ANK2: variants seen among roughly 807,000 people sequenced by gnomAD.
ANK2 encodes ankyrin-2.
Under a neutral mutation model 360.5 loss-of-function variants are expected in ANK2, and 83 were observed. The ratio of observed to expected loss-of-function variants is 0.23; its 90% CI spans 0.19 to 0.28. ANK2 has a LOEUF of 0.28. Ranked by LOEUF, ANK2 falls within the 10% of genes least tolerant of loss-of-function variation. ANK2 has a pLI of 1.00. For missense variants in ANK2, 4,201 were observed against 4,795.7 expected (o/e 0.88, Z 3.66); for synonymous variants, 1,740 against 1,759.5 (o/e 0.99, Z 0.28).
In ANK2 at chr4:113,367,662, C is replaced by T; in HGVS notation, c.11129C>T (p.Pro3710Leu). Residue 3710 changes from proline to leucine, a missense_variant, in exon 42 of 46, where the codon CCT becomes CTT. Coordinates refer to ENST00000357077, the MANE Select transcript of ANK2 (RefSeq NM_001148.6). The part of the protein sequence containing the change: ...SKESETCDHP[P>L]IVSEEDISVG... Reference sequence around the variant, plus strand: ...GAAAGTGAGACCTGCGATCACCCTCCTATCGTCTCAGAGGAAGACATTTCT... The same window carrying T: ...GAAAGTGAGACCTGCGATCACCCTCTTATCGTCTCAGAGGAAGACATTTCT... 1.2e-6 allele frequency: 2 copies of T among 1,613,884 alleles called. No homozygotes were observed. The highest frequency in any genetic ancestry group is 2.7e-5 in the African/African-American group (2 of 74,928).
intron 1 of ANK2, among the ~76,000 whole-genome samples, chr4:113,109,347 T>G (rs1285778617): frequency 6.6e-6 from 1 of 152,236 alleles, no homozygotes. Context: ...ACATTACTTC[T>G]GCCAGTCTTT....
In ANK2 at chr4:113,033,393, A is replaced by G. The variant is rs2154306031; in HGVS notation, c.21+128879A>G. ...GTTCTGCCTCTCCAATAAAGCAGACAAAAAAGCTCAAGGTCTGTAATGGCA... is the reference window on the plus strand; with the variant it reads ...GTTCTGCCTCTCCAATAAAGCAGACGAAAAAGCTCAAGGTCTGTAATGGCA... On this transcript the variant is annotated intron_variant, in intron 2 of 30. Coordinates refer to the ANK2 transcript ENST00000503271. 3.3e-5 allele frequency among the ~76,000 whole-genome samples: 5 copies of G among 152,160 alleles called. 1 individual carries two copies. In the Middle Eastern group the frequency reaches 0.017, roughly 518 times the overall value.
At chr4:113,350,364 A>G (rs2095328986) in intron 37 of ANK2, 115 bp downstream of exon 37, 1 of 812,368 alleles carries the variant, frequency 1.2e-6, no homozygotes, top group East Asian at 2.7e-5. Flanking sequence ...ACATTTTTAT[A>G]TTATCCTTAT....
intron 26 of ANK2, among the ~76,000 whole-genome samples, chr4:113,329,996 A>G (rs2153917524): frequency 6.6e-6 from 1 of 152,346 alleles, no homozygotes; most frequent in African/African-American, 2.4e-5. Flanking sequence ...ATTGAACATC[A>G]CCATTGTCAG....
chr4:113,230,070 AAATAC>A lies in ANK2; in HGVS notation c.385-2089_385-2085del, dbSNP rs1192837007. On this transcript the variant is annotated intron_variant, in intron 4 of 45. Coordinates refer to ENST00000357077, the MANE Select transcript of ANK2 (RefSeq NM_001148.6). ...TTCCGCCACCTCTTCAGTGTTCTTA[AAATAC>A]ACAAGATTTCGCCTGCTTGCTGTGT... Among the ~76,000 whole-genome samples the A allele has an allele frequency of 2.6e-5, 4 of 152,212 alleles. No homozygotes were observed. The East Asian group carries it at 7.7e-4, about 29-fold the overall frequency.
At chr4:112,917,106 A>G (rs543285336) in intron 2 of ANK2, among the ~76,000 whole-genome samples, 1 of 152,332 alleles carries the variant, frequency 6.6e-6, no homozygotes, top group South Asian at 2.1e-4. Flanking sequence ...GTCATTCCAG[A>G]TAGCTAGACC....
intron 2 of ANK2, among the ~76,000 whole-genome samples, chr4:113,195,259 T>G (rs1031210234): frequency 6.6e-6 from 1 of 152,082 alleles, no homozygotes; most frequent in African/African-American, 2.4e-5. Context: ...GAATTAACAA[T>G]GAAATATTAT....
chr4:112,986,838 T>C (rs1294596316), intron 2 of ANK2, among the ~76,000 whole-genome samples: 1 of 152,232 alleles, frequency 6.6e-6, no homozygotes, highest in African/African-American at 2.4e-5. Flanking sequence ...CACTGTGCGA[T>C]GTTCCACCTT....
chr4:113,182,834 G>A (rs1279372615), intron 2 of ANK2, among the ~76,000 whole-genome samples: 1 of 152,170 alleles, frequency 6.6e-6, no homozygotes, highest in African/African-American at 2.4e-5. Context: ...ATAAAAGAAA[G>A]AAGAGAATAA....
In ANK2 at chr4:112,989,625, A is replaced by T. The variant is rs1578448207; in HGVS notation, c.21+85111A>T. Among the ~76,000 whole-genome samples, 2 of 152,356 alleles carry T rather than the reference A, an allele frequency of 1.3e-5. 1 individual carries two copies. The highest frequency in any genetic ancestry group is 2.9e-5 in the Non-Finnish European group (2 of 68,034). ...GGGCAAATTTTAAATTAATGGTTTC[A>T]GAAAATATCCTGCAGCCTCATAGTG... is the stretch of plus-strand genomic sequence containing the variant. On this transcript the variant is annotated intron_variant, in intron 2 of 30. Transcript: ENST00000503271.
At chr4:113,300,835 C>G (rs1318051406) in intron 22 of ANK2, among the ~76,000 whole-genome samples, 1 of 152,186 alleles carries the variant, frequency 6.6e-6, no homozygotes, top group Non-Finnish European at 1.5e-5. Flanking sequence ...TCACAGGGCT[C>G]TTCTGAGCCA....
chr4:113,355,357 C>T lies in ANK2; in HGVS notation c.6739C>T (p.Leu2247Phe), dbSNP rs779281208. The T allele has an allele frequency of 1.2e-6, 2 of 1,614,012 alleles. No homozygotes were observed. The highest frequency in any genetic ancestry group is 8.5e-7 in the Non-Finnish European group (1 of 1,179,978). Residue 2247 changes from leucine (L) to phenylalanine (F), a missense_variant, in exon 38 of 46, where the codon CTT becomes TTT. By Grantham distance (22) the Leu-to-Phe change is conservative. This residue lies in a region of ANK2 where 2,642 missense variants were observed against 2,714.5 expected (regional missense o/e 0.97). Coordinates refer to ENST00000357077, the MANE Select transcript of ANK2 (RefSeq NM_001148.6). The part of the protein sequence containing the change: ...AETPETSPES[L>F]SFSPKKSEEQ... ...GACCCCTGAGACGAGCCCAGAAAGC[C>T]TTTCTTTCTCACCAAAGAAAAGTGA...
At chr4:113,333,322 GT>G in intron 29 of ANK2, 114 bp downstream of exon 29, 1 of 1,339,660 alleles carries the variant, frequency 7.5e-7, no homozygotes, top group Non-Finnish European at 1.0e-6. Context: ...GTGTGTGTGT[GT>G]GTGTGTGTCC....
intron 1 of ANK2, among the ~76,000 whole-genome samples, chr4:112,881,319 TC>T (rs1323044564): frequency 1.3e-5 from 2 of 152,142 alleles, no homozygotes; most frequent in Non-Finnish European, 2.9e-5. Context: ...GTGCCTGTGG[TC>T]CCAGCTACTT....
At chr4:112,725,668 T>C in the ANK2 span, among the ~76,000 whole-genome samples, 1 of 152,022 alleles carries the variant, frequency 6.6e-6, no homozygotes, top group Admixed American at 6.6e-5. Flanking sequence ...CCAAAGACAT[T>C]GTCCTAAGTT....
chr4:112,878,574 C>T (rs2075826916), intron 1 of ANK2, among the ~76,000 whole-genome samples: 1 of 152,164 alleles, frequency 6.6e-6, no homozygotes, highest in Admixed American at 6.5e-5. Context: ...GATCCACCTG[C>T]CTTGGCCTCC....
At chr4:113,093,723 C>T (rs6816790) in intron 1 of ANK2, among the ~76,000 whole-genome samples, 4,068 of 152,290 alleles carry the variant, frequency 0.027, 177 homozygotes, top group African/African-American at 0.091. Context: ...CTTTCCTCTC[C>T]TCTTTATGTC....
At chr4:113,260,231 TTATAA>T (rs1294997926) in intron 13 of ANK2, among the ~76,000 whole-genome samples, 2 of 152,210 alleles carry the variant, frequency 1.3e-5, no homozygotes, top group African/African-American at 2.4e-5. Context: ...GGTTATGGAG[TTATAA>T]TATACTCCCT....
At chr4:113,262,321 G>C (rs2053392714) in intron 13 of ANK2, among the ~76,000 whole-genome samples, 1 of 152,044 alleles carries the variant, frequency 6.6e-6, no homozygotes, top group Non-Finnish European at 1.5e-5. Flanking sequence ...CAACCTCCTA[G>C]GCACAGGCTA....
Sources: gnomAD v4.1 joint callset for allele counts (sites outside exome capture counted in the v4.1 genomes callset) on GRCh38, gnomAD v4.1.1 for gene constraint, gnomAD v4.1.1 regional missense constraint, MANE v1.5 for transcripts, NCBI Gene and HGNC (gene_info 2026-07-23, HGNC 2026-07-21) for gene names.